The following NME9 variants were observed in gnomAD, a reference collection of about 807,000 sequenced individuals.
NME9 encodes the protein NME/NM23 family member 9.
A neutral mutation model predicts 44.4 loss-of-function variants in NME9; 48 were observed. That is an observed-to-expected ratio of 1.08 (90% CI 0.86 to 1.37). NME9 has a LOEUF of 1.37. Among genes scored for constraint, NME9 ranks in the 40% most tolerant of loss-of-function variants. The probability of loss-of-function intolerance (pLI) is 0.00; values close to 1 mark genes in which losing one functional copy is unlikely to be tolerated. For synonymous variants in NME9, 139 were observed against 147.1 expected (o/e 0.94, Z 0.40); for missense variants, 325 against 405.2 (o/e 0.80, Z 1.70).
chr3:138,306,122 A>T (rs2052239885), intron 7 of NME9, 26 bp from the exon 8 acceptor site: 1 of 1,487,424 alleles, frequency 6.7e-7, no homozygotes, highest in East Asian at 2.3e-5. Flanking sequence ...AAATATTCTA[A>T]AAGGGTAAAT....
chr3:138,288,331 T>C (rs2050617378), intron 8 of NME9, among the ~76,000 whole-genome samples: 2 of 152,240 alleles, frequency 1.3e-5, no homozygotes, highest in African/African-American at 4.8e-5. Flanking sequence ...ACCCAGTGTA[T>C]GTTGGCTGTT....
At chr3:138,290,483 T>C (rs549026799) in intron 8 of NME9, 9 of 1,204,588 alleles carry the variant, frequency 7.5e-6, no homozygotes, top group Non-Finnish European at 1.1e-5. Context: ...AGATTGTTAA[T>C]TGTACATCAA....
chr3:138,263,129 A>G (rs2047916981), intron 8 of NME9, among the ~76,000 whole-genome samples: 1 of 152,364 alleles, frequency 6.6e-6, no homozygotes, highest in East Asian at 1.9e-4. Context: ...TCCTTCACAC[A>G]CTATTTATTT....
chr3:138,265,081 G>A (rs2048149368), intron 8 of NME9, among the ~76,000 whole-genome samples: 1 of 151,294 alleles, frequency 6.6e-6, no homozygotes, highest in Non-Finnish European at 1.5e-5. Context: ...TTATTTTTTT[G>A]AGACAAGGTC....
intron 8 of NME9, among the ~76,000 whole-genome samples, chr3:138,279,049 C>G (rs1163858377): frequency 6.6e-6 from 1 of 152,112 alleles, no homozygotes; most frequent in Non-Finnish European, 1.5e-5. Flanking sequence ...CTAGCTAGAA[C>G]TTGCAGTGTA....
downstream of NME9, chr3:138,296,849 A>G (rs1002147640): frequency 1.8e-4 from 27 of 152,194 alleles, no homozygotes; most frequent in African/African-American, 6.0e-4. Flanking sequence ...GAGCCTCCCA[A>G]TTGCCCTAAC....
intron 5 of NME9, among the ~76,000 whole-genome samples, chr3:138,315,186 A>G (rs2052983471): frequency 6.6e-6 from 1 of 152,228 alleles, no homozygotes; most frequent in Admixed American, 6.5e-5. Flanking sequence ...ATTTCACCTC[A>G]AGGCTGAGAG....
intron 6 of NME9, among the ~76,000 whole-genome samples, chr3:138,313,824 G>A (rs1369395333): frequency 6.6e-6 from 1 of 152,130 alleles, no homozygotes; most frequent in African/African-American, 2.4e-5. Flanking sequence ...ACAACAAATA[G>A]CACATGTTCT....
At chr3:138,310,148 G>C (rs978743796) in intron 6 of NME9, among the ~76,000 whole-genome samples, 1 of 152,012 alleles carries the variant, frequency 6.6e-6, no homozygotes, top group Non-Finnish European at 1.5e-5. Context: ...AACCAAAAGA[G>C]AGCAAGAGAA....
intron 1 of NME9, among the ~76,000 whole-genome samples, chr3:138,326,127 C>T (rs561147972): frequency 6.6e-6 from 1 of 152,310 alleles, no homozygotes; most frequent in Non-Finnish European, 1.5e-5. Context: ...GAATGTCCCT[C>T]AGTTGGGGCA....
chr3:138,275,383 C>T (rs886671567), intron 8 of NME9, among the ~76,000 whole-genome samples: 1 of 152,020 alleles, frequency 6.6e-6, no homozygotes, highest in Non-Finnish European at 1.5e-5. Context: ...CGGTGAAACC[C>T]CATCTCTACT....
In NME9 at chr3:138,301,540, CAAAAAGTA is replaced by C. The variant is rs1297183832; in HGVS notation, c.*92_*99del. ...CATTGTCTACAAAAGACAGCTAAAC[CAAAAAGTA>C]TTGGTACTCAAAAGAGTAAGTTCCG... is the stretch of plus-strand genomic sequence containing the variant. On this transcript the variant is annotated 3_prime_UTR_variant, in exon 11 of 11. Coordinates refer to ENST00000333911, the MANE Select transcript of NME9 (RefSeq NM_001349018.2). The C allele has an allele frequency of 1.3e-6, 2 of 1,493,702 alleles. No homozygotes were observed. The highest frequency in any genetic ancestry group is 4.5e-5 in the Admixed American group (2 of 44,778). 92.5% of individuals were successfully genotyped at this position (1,493,702 alleles called of 1,614,324 possible).
chr3:138,271,798 C>CTTTCTTTTTTTTTTTT lies in NME9; in HGVS notation c.746-9213_746-9212insAAAAAAAAAAAAGAAA, dbSNP rs1018824241. ...AGTTCACAAGATTTTTTTTTTCTTTCTTTTTTTTTTTTTTTGATACAGAGT... is the reference window on the plus strand; with the variant it reads ...AGTTCACAAGATTTTTTTTTTCTTTCTTTCTTTTTTTTTTTTTTTTTTTTTTTTTTTGATACAGAGT... On this transcript the variant is annotated intron_variant, in intron 8 of 8. Coordinates refer to the NME9 transcript ENST00000317876. Among the ~76,000 whole-genome samples, 1,060 of 135,890 alleles carry CTTTCTTTTTTTTTTTT rather than the reference C, an allele frequency of 7.8e-3. 29 individuals are homozygous for CTTTCTTTTTTTTTTTT. Among genetic ancestry groups the CTTTCTTTTTTTTTTTT allele is most frequent in the African/African-American group, 0.027 (942 of 35,084 alleles). 89.1% of individuals were successfully genotyped at this position (135,890 alleles called of 152,430 possible).
intron 8 of NME9, among the ~76,000 whole-genome samples, chr3:138,290,090 G>C (rs1397531118): frequency 1.3e-5 from 2 of 152,232 alleles, no homozygotes; most frequent in Non-Finnish European, 2.9e-5. Context: ...CAGCTGTGCT[G>C]AGAGGCAACA....
chr3:138,285,194 C>G (rs1220347394), intron 8 of NME9, among the ~76,000 whole-genome samples: 1 of 152,206 alleles, frequency 6.6e-6, no homozygotes, highest in Non-Finnish European at 1.5e-5. Context: ...AGCTGGCACC[C>G]TCATTCTCCA....
chr3:138,285,902 C>A (rs565435252), intron 8 of NME9, among the ~76,000 whole-genome samples: 1 of 152,294 alleles, frequency 6.6e-6, no homozygotes, highest in African/African-American at 2.4e-5. Context: ...ACTTCTCATA[C>A]CCATCGAGAC....
intron 10 of NME9, among the ~76,000 whole-genome samples, chr3:138,301,990 G>A (rs766283170): frequency 6.6e-6 from 1 of 152,116 alleles, no homozygotes; most frequent in Non-Finnish European, 1.5e-5. Flanking sequence ...TGGTTATGAC[G>A]AGTCTATCAT....
chr3:138,306,536 T>A, intron 6 of NME9, 56 bp from the exon 7 acceptor site: 1 of 1,087,950 alleles, frequency 9.2e-7, no homozygotes, highest in Non-Finnish European at 1.4e-6. Context: ...TGAGAGGCCA[T>A]CCACAAAAAA....
At chr3:138,286,597 C>T (rs578087391) in intron 8 of NME9, among the ~76,000 whole-genome samples, 1 of 152,304 alleles carries the variant, frequency 6.6e-6, no homozygotes, top group African/African-American at 2.4e-5. Context: ...AATAGGACCT[C>T]GTAGGGAGCT....
Sources: gnomAD v4.1 joint callset for allele counts (sites outside exome capture counted in the v4.1 genomes callset) on GRCh38, gnomAD v4.1.1 for gene constraint, MANE v1.5 for transcripts, NCBI Gene and HGNC (gene_info 2026-07-23, HGNC 2026-07-21) for gene names.